Variants in EIF3E observed in about 807,000 individuals in gnomAD.
EIF3E encodes eIF-3 p48.
A neutral mutation model predicts 59.3 loss-of-function variants in EIF3E; 25 were observed. That is an observed-to-expected ratio of 0.42 (90% CI 0.31 to 0.59). The LOEUF (loss-of-function observed/expected upper bound fraction) is 0.59, where lower values mean the gene tolerates loss of function less well. EIF3E is among the 20% of genes least tolerant of loss of function. EIF3E has a pLI of 0.15. For synonymous variants in EIF3E, 176 were observed against 170.2 expected (o/e 1.03, Z -0.26); for missense variants, 317 against 534.3 (o/e 0.59, Z 4.01).
At chr8:108,237,114 T>G (rs1375448253) in intron 3 of EIF3E, among the ~76,000 whole-genome samples, 1 of 152,220 alleles carries the variant, frequency 6.6e-6, no homozygotes, top group Non-Finnish European at 1.5e-5. Context: ...TATAACCAAG[T>G]GCCATATTTA....
chr8:108,240,715 C>T (rs950178946), intron 2 of EIF3E, among the ~76,000 whole-genome samples: 4 of 152,172 alleles, frequency 2.6e-5, no homozygotes, highest in Admixed American at 1.3e-4. Flanking sequence ...GGGGCAAGGG[C>T]GCACGCCTGT....
intron 7 of EIF3E, among the ~76,000 whole-genome samples, chr8:108,225,831 G>C (rs1815506337): frequency 6.8e-6 from 1 of 147,480 alleles, no homozygotes; most frequent in South Asian, 2.1e-4. Context: ...AGCAACTGAA[G>C]GTCTGCAAAA....
chr8:108,207,144 G>A (rs2129844917), intron 10 of EIF3E, among the ~76,000 whole-genome samples: 1 of 152,264 alleles, frequency 6.6e-6, no homozygotes. Context: ...ATTAAAGAAT[G>A]TAGAAATAAT....
intron 10 of EIF3E, among the ~76,000 whole-genome samples, chr8:108,212,442 A>G (rs1007901336): frequency 6.6e-6 from 1 of 152,216 alleles, no homozygotes; most frequent in Non-Finnish European, 1.5e-5. Flanking sequence ...TTCACCTGAA[A>G]AGTAACTGTG....
At chr8:108,235,228 G>A in intron 4 of EIF3E, 126 bp from the exon 5 acceptor site, 1 of 514,532 alleles carries the variant, frequency 1.9e-6, no homozygotes, top group Non-Finnish European at 3.3e-6. Flanking sequence ...TATATTTTAT[G>A]AGTCAAATGT....
chr8:108,235,307 T>C (rs1815706821), intron 4 of EIF3E, among the ~76,000 whole-genome samples: 1 of 152,078 alleles, frequency 6.6e-6, no homozygotes, highest in Non-Finnish European at 1.5e-5. Flanking sequence ...ACCTCTGGAG[T>C]TATTTAAAGA....
At position 108,207,312 on chromosome 8, in the gene EIF3E, C is replaced by T. The variant is rs1360293796; in HGVS notation, c.1062-3809G>A. Among the ~76,000 whole-genome samples the T allele has an allele frequency of 2.6e-5, 4 of 151,384 alleles. No homozygotes were observed. In the East Asian group the frequency reaches 5.8e-4, roughly 22 times the overall value. On this transcript the variant is annotated intron_variant, in intron 10 of 12. Transcript: ENST00000220849. ...ACAGCAAGACCCTGTCTCTACAAAA[C>T]GCAAAGGAAAAAAAAGGACTAATAG...
At chr8:108,214,743 A>G (rs778806875) in intron 9 of EIF3E, 27 bp from the exon 10 acceptor site, 2 of 1,569,710 alleles carry the variant, frequency 1.3e-6, no homozygotes, top group East Asian at 4.5e-5. Context: ...AACAAAAATT[A>G]ATGATGCTGA....
Position 108,210,771 on chromosome 8 carries a change from G to A in EIF3E, c.1061+3836C>T, listed in dbSNP as rs190200988. Among the ~76,000 whole-genome samples, 1,349 of 140,892 alleles carry A rather than the reference G, an allele frequency of 9.6e-3. 15 individuals are homozygous for A. Among genetic ancestry groups the A allele is most frequent in the African/African-American group, 0.031 (1,195 of 38,880 alleles). 92.4% of individuals were successfully genotyped at this position (140,892 alleles called of 152,430 possible). On this transcript the variant is annotated intron_variant, in intron 10 of 12. Transcript: ENST00000220849. The stretch of plus-strand genomic sequence containing the variant: ...CTCCCCCCACCCCACGACAGGCCCC[G>A]GTGTGTGATGTTCCCCACCCTGTGT...
At position 108,204,778 on chromosome 8, in the gene EIF3E, GAGAC is replaced by G. The variant is rs1300906587; in HGVS notation, c.1062-1279_1062-1276del. ...AGAGAGAGAGAGAGAGAGAGAGAGAGAGACAGAGAGAGAGAGAGAGAGAGACTGA... is the reference window on the plus strand; with the variant it reads ...AGAGAGAGAGAGAGAGAGAGAGAGAGAGAGAGAGAGAGAGAGAGAGACTGA... On this transcript the variant is annotated intron_variant, in intron 10 of 12. Transcript: ENST00000220849. 4.5e-3 allele frequency among the ~76,000 whole-genome samples: 555 copies of G among 123,154 alleles called. 1 individual carries two copies. Among genetic ancestry groups the G allele is most frequent in the Non-Finnish European group, 5.3e-3 (328 of 61,804 alleles). 80.8% of individuals were successfully genotyped at this position (123,154 alleles called of 152,430 possible).
chr8:108,230,903 G>C (rs1310585753), intron 5 of EIF3E, among the ~76,000 whole-genome samples: 1 of 152,032 alleles, frequency 6.6e-6, no homozygotes, highest in East Asian at 1.9e-4. Context: ...GTAAAAATAA[G>C]CCAAACACAA....
At position 108,245,283 on chromosome 8, in the gene EIF3E, T is replaced by G. The variant is rs184585313; in HGVS notation, c.90+3330A>C. Among the ~76,000 whole-genome samples, 3 of 152,134 alleles carry G rather than the reference T, an allele frequency of 2.0e-5. No homozygotes were observed. In the East Asian group the frequency reaches 5.8e-4, roughly 30 times the overall value. ...GAGTTTGAGACCAGCCTGGGTAACA[T>G]GGTGAAACCCCATCTCTACAAAAAA... is the stretch of plus-strand genomic sequence containing the variant. On this transcript the variant is annotated intron_variant, in intron 1 of 12. Transcript: ENST00000220849.
intron 10 of EIF3E, among the ~76,000 whole-genome samples, chr8:108,204,731 G>GTATATATATATATATATA (rs148053969): frequency 6.1e-4 from 53 of 86,650 alleles, no homozygotes; most frequent in Middle Eastern, 7.1e-3. Flanking sequence ...TAGTATGTAT[G>GTATATATATATATATATA]TATATATATA....
At chr8:108,211,753 TA>T (rs1815214620) in intron 10 of EIF3E, among the ~76,000 whole-genome samples, 1 of 152,224 alleles carries the variant, frequency 6.6e-6, no homozygotes, top group Non-Finnish European at 1.5e-5. Context: ...TGCTTCGGAA[TA>T]ACCACCCTCA....
intron 4 of EIF3E, among the ~76,000 whole-genome samples, chr8:108,235,677 T>C (rs1415104153): frequency 1.3e-5 from 2 of 152,254 alleles, no homozygotes; most frequent in Admixed American, 6.5e-5. Context: ...GCTTACGATG[T>C]TTCTTTATTT....
At position 108,229,266 on chromosome 8, in the gene EIF3E, C is replaced by T. The variant is rs921413712; in HGVS notation, c.472-71G>A. On this transcript the variant is annotated intron_variant, in intron 5 of 12. Coordinates refer to ENST00000220849, the MANE Select transcript of EIF3E (RefSeq NM_001568.3). ...AATGAACATAATGTATGTTTTATAC[C>T]CATGTATCCCTCTAGCCTACTAAAA... 12 of 1,483,132 alleles carry T rather than the reference C, an allele frequency of 8.1e-6. No homozygotes were observed. The African/African-American group carries it at 1.5e-4, about 19-fold the overall frequency. The allele number at this position is 1,483,132 out of a possible 1,614,324, so 91.9% of individuals were successfully genotyped here. A position where few individuals can be genotyped will look rare whatever the true frequency, so the allele number is the denominator to read the frequency against.
At chr8:108,210,147 A>T (rs1356770295) in intron 10 of EIF3E, among the ~76,000 whole-genome samples, 1 of 151,732 alleles carries the variant, frequency 6.6e-6, no homozygotes, top group Non-Finnish European at 1.5e-5. Flanking sequence ...TTTGTTTTTT[A>T]AAGGTTAGGC....
intron 7 of EIF3E, among the ~76,000 whole-genome samples, chr8:108,222,909 TTTTAG>T (rs10567764): frequency 0.03 from 4,593 of 151,842 alleles, 208 homozygotes; most frequent in African/African-American, 0.097. Context: ...AAGTAAAATG[TTTTAG>T]TTTATTTTTT....
intron 7 of EIF3E, among the ~76,000 whole-genome samples, chr8:108,226,504 A>G (rs761525081): frequency 2.6e-5 from 4 of 152,138 alleles, no homozygotes; most frequent in Non-Finnish European, 5.9e-5. Flanking sequence ...CCTACATTCA[A>G]TAATTCTTAA....
Sources: allele counts gnomAD v4.1 joint callset (sites outside exome capture counted in the v4.1 genomes callset), GRCh38; gene constraint gnomAD v4.1.1; transcripts MANE v1.5; gene names NCBI Gene and HGNC (gene_info 2026-07-23, HGNC 2026-07-21).